Variants in ERBIN observed in about 807,000 individuals in gnomAD.
The protein encoded by ERBIN is densin-180-like protein.
Under a neutral mutation model 158.4 loss-of-function variants are expected in ERBIN, and 60 were observed. The observed-to-expected ratio is 0.38, with a 90% CI of 0.31 to 0.47. The LOEUF (loss-of-function observed/expected upper bound fraction) is 0.47. Among genes scored for constraint, ERBIN ranks in the 20% least tolerant of loss-of-function variants. ERBIN has a pLI of 0.99. For synonymous variants in ERBIN, 594 were observed against 557.2 expected, an observed-to-expected ratio of 1.07 and a Z score of -0.93; for missense variants, 1,610 against 1,648.0, an observed-to-expected ratio of 0.98 and a Z score of 0.40.
intron 1 of ERBIN, among the ~76,000 whole-genome samples, chr5:65,940,401 G>T: frequency 7.0e-6 from 1 of 142,390 alleles, no homozygotes; most frequent in African/African-American, 2.8e-5. Flanking sequence ...CAGCCACCTC[G>T]TCCGGGAGGG....
intron 4 of ERBIN, among the ~76,000 whole-genome samples, chr5:65,996,252 T>C (rs1391644028): frequency 2.0e-5 from 3 of 148,532 alleles, no homozygotes; most frequent in Non-Finnish European, 3.0e-5. Flanking sequence ...TAGTTTTTTT[T>C]TTTTTTTTTT....
intron 1 of ERBIN, among the ~76,000 whole-genome samples, chr5:65,976,280 CTGGCGAACA>C: frequency 6.6e-6 from 1 of 152,300 alleles, no homozygotes; most frequent in Non-Finnish European, 1.5e-5. Flanking sequence ...TTGAGACCAT[CTGGCGAACA>C]TGGTGAAGCC....
At chr5:65,962,405 G>A (rs1748021045) in intron 1 of ERBIN, among the ~76,000 whole-genome samples, 1 of 152,164 alleles carries the variant, frequency 6.6e-6, no homozygotes, top group Admixed American at 6.5e-5. Context: ...GTGTATGTGT[G>A]TGTAATTTGG....
At chr5:66,012,803 TCAA>T (rs1168157145) in intron 5 of ERBIN, among the ~76,000 whole-genome samples, 2 of 152,182 alleles carry the variant, frequency 1.3e-5, no homozygotes, top group Non-Finnish European at 2.9e-5. Flanking sequence ...TGTTTCATAA[TCAA>T]CAAAAAATAG....
At chr5:65,951,505 G>A (rs1746499593) in intron 1 of ERBIN, among the ~76,000 whole-genome samples, 1 of 152,174 alleles carries the variant, frequency 6.6e-6, no homozygotes, top group South Asian at 2.1e-4. Flanking sequence ...TGGAAATGGT[G>A]TGTATTTTTA....
At chr5:65,986,336 C>T (rs1269432793) in intron 1 of ERBIN, among the ~76,000 whole-genome samples, 1 of 152,212 alleles carries the variant, frequency 6.6e-6, no homozygotes, top group Non-Finnish European at 1.5e-5. Context: ...AGTTTAGTGG[C>T]AGCTCCGTTC....
intron 15 of ERBIN, among the ~76,000 whole-genome samples, chr5:66,039,573 A>G (rs1013906403): frequency 1.3e-5 from 2 of 151,984 alleles, no homozygotes; most frequent in African/African-American, 4.8e-5. Flanking sequence ...AATTCCCCAC[A>G]TGGCACTGCT....
chr5:66,068,905 A>G (rs762680029), intron 21 of ERBIN: 49 of 1,535,388 alleles, frequency 3.2e-5, no homozygotes, highest in East Asian at 2.9e-4. Flanking sequence ...TTTAATTCCA[A>G]TTTTACTACT....
intron 20 of ERBIN, among the ~76,000 whole-genome samples, chr5:66,053,030 C>G (rs1008643317): frequency 1.3e-5 from 2 of 152,170 alleles, no homozygotes; most frequent in African/African-American, 4.8e-5. Flanking sequence ...CTAGGTTTCT[C>G]TCCATATATC....
rs1339471453 is a variant in ERBIN, at chr5:65,940,478, C to CCCCGT, written c.-58+13675_-58+13676insGTCCC. 9.0e-4 allele frequency among the ~76,000 whole-genome samples: 96 copies of CCCCGT among 106,598 alleles called. 10 individuals are homozygous for CCCCGT. The highest frequency in any genetic ancestry group is 6.2e-3 in the Middle Eastern group (1 of 162). 69.9% of individuals were successfully genotyped at this position (106,598 alleles called of 152,430 possible). ...CGGGAGGGAGGTGGGGGGGTCAGTC[C>CCCCGT]CCCCCCCCCCGGCCAGCCGCCCCGT... On this transcript the variant is annotated intron_variant, in intron 1 of 25. Coordinates refer to ENST00000284037, the MANE Select transcript of ERBIN (RefSeq NM_001253697.2).
At chr5:65,984,596 A>G (rs1419555297) in intron 1 of ERBIN, among the ~76,000 whole-genome samples, 1 of 152,192 alleles carries the variant, frequency 6.6e-6, no homozygotes, top group Non-Finnish European at 1.5e-5. Context: ...CTGGGTCTGG[A>G]TGTGGACTTG....
In ERBIN at chr5:66,014,649, A is replaced by G. The variant is rs1561374369; in HGVS notation, c.477-20A>G. Reference sequence around the variant, plus strand: ...TCATTGTCTTTGTCCTAAATACATGATTTTTTTTTTGTATTGCAGATTAAC... The same window carrying G: ...TCATTGTCTTTGTCCTAAATACATGGTTTTTTTTTTGTATTGCAGATTAAC... On this transcript the variant is annotated intron_variant, in intron 6 of 25. Transcript: ENST00000284037. 9.3e-7 allele frequency: 1 copy of G among 1,076,584 alleles called. No homozygotes were observed. The highest frequency in any genetic ancestry group is 2.7e-5 in the Admixed American group (1 of 36,478). The allele number at this position is 1,076,584 out of a possible 1,614,324, so 66.7% of individuals were successfully genotyped here. A position where few individuals can be genotyped will look rare whatever the true frequency, so the allele number is the denominator to read the frequency against.
At chr5:66,068,064 A>G (rs917398697) in intron 21 of ERBIN, among the ~76,000 whole-genome samples, 6 of 152,318 alleles carry the variant, frequency 3.9e-5, no homozygotes, top group African/African-American at 1.4e-4. Flanking sequence ...ACAGTGGCTC[A>G]TACCTGTAAT....
intron 18 of ERBIN, among the ~76,000 whole-genome samples, chr5:66,047,799 GA>G (rs1758593322): frequency 6.6e-6 from 1 of 151,974 alleles, no homozygotes; most frequent in African/African-American, 2.4e-5. Context: ...CACAGGCTGT[GA>G]AAAAATTATT....
intron 1 of ERBIN, among the ~76,000 whole-genome samples, chr5:65,937,550 T>G (rs1025769291): frequency 6.6e-6 from 1 of 152,216 alleles, no homozygotes; most frequent in Non-Finnish European, 1.5e-5. Context: ...CTGGAAGTGT[T>G]GCTTTGTTAC....
intron 1 of ERBIN, among the ~76,000 whole-genome samples, chr5:65,941,338 A>G (rs1745009413): frequency 3.0e-5 from 2 of 67,244 alleles, no homozygotes; most frequent in South Asian, 7.1e-4. Flanking sequence ...AAAAAGAACA[A>G]TACAAATAAC....
chr5:65,981,657 A>C (rs551521142), intron 1 of ERBIN, among the ~76,000 whole-genome samples: 4 of 152,200 alleles, frequency 2.6e-5, no homozygotes, highest in Non-Finnish European at 4.4e-5. Context: ...ACAACAAAAA[A>C]AAAACAATTG....
chr5:65,946,786 A>C (rs917573316), intron 1 of ERBIN, among the ~76,000 whole-genome samples: 1 of 140,862 alleles, frequency 7.1e-6, no homozygotes, highest in Non-Finnish European at 1.5e-5. Context: ...ATTGGTTGTT[A>C]CTTTTTTTTT....
intron 18 of ERBIN, among the ~76,000 whole-genome samples, chr5:66,048,232 G>C (rs1758646717): frequency 6.6e-6 from 1 of 151,796 alleles, no homozygotes; most frequent in Non-Finnish European, 1.5e-5. Flanking sequence ...GATCAGTAGA[G>C]TAGACAGGGC....
Sources: allele counts gnomAD v4.1 joint callset (sites outside exome capture counted in the v4.1 genomes callset), GRCh38; gene constraint gnomAD v4.1.1; transcripts MANE v1.5; gene names NCBI Gene and HGNC (gene_info 2026-07-23, HGNC 2026-07-21).